MAP2: variants seen among roughly 807,000 people sequenced by gnomAD.
The protein encoded by MAP2 is microtubule associated protein 2, also known as microtubule-associated protein 2.
A neutral mutation model predicts 137.6 loss-of-function variants in MAP2; 14 were observed. The observed-to-expected ratio is 0.10, with a 90% confidence interval of 0.07 to 0.16. MAP2 has a LOEUF of 0.16. Among genes scored for constraint, MAP2 ranks in the 10% least tolerant of loss-of-function variants. The probability of loss-of-function intolerance (pLI) is 1.00; values close to 1 mark genes in which losing one functional copy is unlikely to be tolerated. For synonymous variants in MAP2, 786 were observed against 782.3 expected, an observed-to-expected ratio of 1.00 and a Z score of -0.08; for missense variants, 2,088 against 2,191.5, an observed-to-expected ratio of 0.95 and a Z score of 0.94.
intron 5 of MAP2, among the ~76,000 whole-genome samples, chr2:209,666,016 A>G (rs2046153799): frequency 1.3e-5 from 2 of 152,198 alleles, no homozygotes; most frequent in African/African-American, 2.4e-5. Context: ...TTAAAAAATC[A>G]ATTCACTGGA....
chr2:209,697,849 A>G (rs1476007954), intron 10 of MAP2, among the ~76,000 whole-genome samples: 1 of 151,842 alleles, frequency 6.6e-6, no homozygotes, highest in Admixed American at 6.6e-5. Flanking sequence ...TTTGCTGTCT[A>G]CTTTTTTTTT....
At chr2:209,448,477 C>G (rs568360349) in intron 1 of MAP2, among the ~76,000 whole-genome samples, 1 of 152,262 alleles carries the variant, frequency 6.6e-6, no homozygotes, top group African/African-American at 2.4e-5. Flanking sequence ...TTTCTTGTAG[C>G]TGCCATAAGA....
chr2:209,528,099 C>A (rs530166714), intron 2 of MAP2, among the ~76,000 whole-genome samples: 14 of 109,926 alleles, frequency 1.3e-4, no homozygotes, highest in South Asian at 3.8e-4. Flanking sequence ...AAGCCATCTT[C>A]CCCCCCTGCC....
intron 2 of MAP2, among the ~76,000 whole-genome samples, chr2:209,539,807 T>A (rs925545916): frequency 2.0e-4 from 30 of 151,906 alleles, no homozygotes; most frequent in African/African-American, 6.0e-4. Flanking sequence ...CACATAAAAG[T>A]CACTTTCGTG....
intron 3 of MAP2, among the ~76,000 whole-genome samples, chr2:209,600,245 T>G (rs997577517): frequency 3.3e-5 from 5 of 152,194 alleles, no homozygotes; most frequent in Non-Finnish European, 5.9e-5. Context: ...TAGATGGAAC[T>G]GTATATTATC....
intron 2 of MAP2, among the ~76,000 whole-genome samples, chr2:209,551,245 A>G (rs554835282): frequency 2.0e-5 from 3 of 152,288 alleles, no homozygotes; most frequent in South Asian, 2.1e-4. Context: ...TGCATATGGT[A>G]TCTGTTAGAA....
At chr2:209,529,004 C>G (rs920996418) in intron 2 of MAP2, among the ~76,000 whole-genome samples, 5 of 151,702 alleles carry the variant, frequency 3.3e-5, no homozygotes, top group African/African-American at 4.8e-5. Context: ...ACATATCTAG[C>G]CTTTTTCTCT....
At chr2:209,598,386 G>A (rs1035256469) in intron 3 of MAP2, among the ~76,000 whole-genome samples, 6 of 151,456 alleles carry the variant, frequency 4.0e-5, no homozygotes, top group South Asian at 2.1e-4. Context: ...CAATGTTGTC[G>A]ACTAACTGAT....
chr2:209,611,670 A>G (rs902718973), intron 3 of MAP2, among the ~76,000 whole-genome samples: 4 of 152,092 alleles, frequency 2.6e-5, no homozygotes, highest in Non-Finnish European at 4.4e-5. Context: ...GAGTGGAGTT[A>G]TATGAGTCCA....
intron 2 of MAP2, among the ~76,000 whole-genome samples, chr2:209,522,549 A>T (rs1229921903): frequency 6.6e-6 from 1 of 152,178 alleles, no homozygotes; most frequent in African/African-American, 2.4e-5. Flanking sequence ...ATAATCAAGC[A>T]TTGTATTTCT....
At chr2:209,704,790 A>G (rs2062878727) in intron 11 of MAP2, among the ~76,000 whole-genome samples, 1 of 152,056 alleles carries the variant, frequency 6.6e-6, no homozygotes. Flanking sequence ...ATTTTGATAA[A>G]CAGTATACCT....
Position 209,695,723 on chromosome 2 carries a change from G to C in MAP2, c.3553G>C (p.Ala1185Pro). The change falls in exon 8 of 16, where the codon GCC (alanine) becomes CCC (proline). Residue 1185 changes from alanine to proline, a missense_variant. By Grantham distance (27) the Ala-to-Pro change is conservative. Around this residue, in one of 6 missense-constraint regions of MAP2, gnomAD observed 591 missense variants for 642.6 expected, o/e 0.92. Transcript: ENST00000682079. ...ACCTGCTGTTTCAGAGGCTGATTTA[G>C]CCACAGATGAGAGAGCTGATGTCCA... ...CPPAVSEADL[A>P]TDERADVQME... 1 of 1,614,088 alleles carries C rather than the reference G, an allele frequency of 6.2e-7. No homozygotes were observed. The highest frequency in any genetic ancestry group is 8.5e-7 in the Non-Finnish European group (1 of 1,180,002).
intron 2 of MAP2, among the ~76,000 whole-genome samples, chr2:209,559,428 G>A (rs2071452027): frequency 7.4e-6 from 1 of 135,972 alleles, no homozygotes; most frequent in Non-Finnish European, 1.5e-5. Flanking sequence ...TAGGTCAGGA[G>A]TTCAAGACCA....
At chr2:209,460,228 T>C (rs1409440710) in intron 1 of MAP2, among the ~76,000 whole-genome samples, 5 of 152,226 alleles carry the variant, frequency 3.3e-5, no homozygotes, top group Non-Finnish European at 5.9e-5. Flanking sequence ...GTAAGAAGTA[T>C]ATAAAATAGA....
At position 209,548,123 on chromosome 2, in the gene MAP2, A is replaced by G. The variant is rs138303683; in HGVS notation, c.-171-31913A>G. On this transcript the variant is annotated intron_variant, in intron 2 of 15. Transcript: ENST00000682079. ...TGCTTCAGTTCATCTAGGCATGTAA[A>G]TTATTCAGCATTCCACACTAAATTG... 2.3e-3 allele frequency among the ~76,000 whole-genome samples: 343 copies of G among 152,292 alleles called. 1 individual carries two copies. Among genetic ancestry groups the G allele is most frequent in the African/African-American group, 7.5e-3 (311 of 41,566 alleles).
intron 2 of MAP2, among the ~76,000 whole-genome samples, chr2:209,513,430 G>C (rs2062011916): frequency 6.6e-6 from 1 of 152,050 alleles, no homozygotes; most frequent in Admixed American, 6.6e-5. Context: ...GGAGGAAATG[G>C]ACACTTAGGA....
chr2:209,634,692 C>G (rs1230723414), intron 4 of MAP2, among the ~76,000 whole-genome samples: 1 of 151,908 alleles, frequency 6.6e-6, no homozygotes, highest in Non-Finnish European at 1.5e-5. Context: ...TCTGTTATAC[C>G]AAGGGAAAAT....
chr2:209,524,759 AT>A lies in MAP2; in HGVS notation c.-172+17120del, dbSNP rs577328915. On this transcript the variant is annotated intron_variant, in intron 2 of 15. Transcript: ENST00000682079. Reference sequence around the variant, plus strand: ...CTGAACACTGGGAAATGTTGGTTCAATTGAATCACAAGACATTCACTAATTT... The same window carrying A: ...CTGAACACTGGGAAATGTTGGTTCAATGAATCACAAGACATTCACTAATTT... Among the ~76,000 whole-genome samples the A allele has an allele frequency of 1.1e-4, 17 of 152,292 alleles. No homozygotes were observed. In the South Asian group the frequency reaches 3.5e-3, roughly 32 times the overall value.
intron 3 of MAP2, among the ~76,000 whole-genome samples, chr2:209,613,682 T>C (rs2087882104): frequency 6.6e-6 from 1 of 152,188 alleles, no homozygotes; most frequent in Non-Finnish European, 1.5e-5. Flanking sequence ...AGTATAGTTA[T>C]TCAGAGCCAC....
Sources: allele counts gnomAD v4.1 joint callset (sites outside exome capture counted in the v4.1 genomes callset), GRCh38; gene constraint gnomAD v4.1.1; regional missense constraint gnomAD v4.1.1; transcripts MANE v1.5; gene names NCBI Gene and HGNC (gene_info 2026-07-23, HGNC 2026-07-21).